The following MSLN variants were observed in gnomAD, a reference collection of about 807,000 sequenced individuals.
MSLN encodes CAK1 antigen.
MSLN carries 82 observed loss-of-function variants against 72.6 expected under a neutral mutation model. The observed-to-expected ratio is 1.13, with a 90% CI of 0.94 to 1.36. The LOEUF (loss-of-function observed/expected upper bound fraction) is 1.36, where lower values mean the gene tolerates loss of function less well. Ranked by LOEUF, MSLN falls within the 40% of genes most tolerant of loss-of-function variation. The pLI, the probability that MSLN is intolerant of heterozygous loss-of-function variation, is 0.00. For synonymous variants in MSLN, 456 were observed against 387.3 expected, an observed-to-expected ratio of 1.18 and a Z score of -2.08; for missense variants, 1,005 against 847.9, an observed-to-expected ratio of 1.19 and a Z score of -2.30.
chr16:765,707 G>T lies in MSLN; in HGVS notation c.812G>T (p.Trp271Leu). The T allele has an allele frequency of 6.2e-7, 1 of 1,600,924 alleles. No individual in the cohort carries two copies. Among genetic ancestry groups the T allele is most frequent in the Non-Finnish European group, 8.5e-7 (1 of 1,179,468 alleles). ...RSIPQGIVAA[W>L]RQRSSRDPSW... is the part of the protein sequence containing the mutation. ...CGTCCTCAGGGCATCGTGGCCGCGT[G>T]GCGGCAACGCTCCTCTCGGGACCCA... The change falls in exon 11 of 18, where the codon TGG becomes TTG. Residue 271 changes from tryptophan (W) to leucine (L), a missense_variant. Trp to Leu is a moderately conservative substitution (Grantham distance 61). Transcript: ENST00000545450.
In MSLN at chr16:763,214, G is replaced by A. The variant is rs773373418; in HGVS notation, c.86-19G>A. On this transcript the variant is annotated intron_variant, in intron 3 of 17. Coordinates refer to ENST00000545450, the MANE Select transcript of MSLN (RefSeq NM_005823.6). ...AGAGGCCCGCCCCCTCCCCCAAGCT[G>A]TCCCCTCTGCCCCTTTAGGATGGGT... 5 of 1,518,842 alleles carry A rather than the reference G, an allele frequency of 3.3e-6. No individual in the cohort carries two copies. The South Asian group carries it at 5.0e-5, about 15-fold the overall frequency. 94.1% of individuals were successfully genotyped at this position (1,518,842 alleles called of 1,614,324 possible).
At chr16:764,392 G>A (rs1435737380) in intron 6 of MSLN, among the ~76,000 whole-genome samples, 1 of 152,196 alleles carries the variant, frequency 6.6e-6, no homozygotes, top group Non-Finnish European at 1.5e-5. Context: ...GGAGCGCCGT[G>A]GGCAGCCCTC....
At chr16:762,601 C>G in intron 2 of MSLN, 71 bp from the exon 3 acceptor site, 1 of 1,210,070 alleles carries the variant, frequency 8.3e-7, no homozygotes, top group Non-Finnish European at 1.2e-6. Context: ...CCCATGTGGC[C>G]CCAGGCTGGC....
intron 17 of MSLN, 34 bp downstream of exon 17, chr16:768,599 G>C: frequency 6.2e-7 from 1 of 1,610,564 alleles, no homozygotes. Flanking sequence ...GCTGGGGGCA[G>C]AGCTGGGGGC....
chr16:762,416 C>A, intron 2 of MSLN: 2 of 506,048 alleles, frequency 4.0e-6, no homozygotes, highest in Admixed American at 3.8e-5. Context: ...GAGGGGTGGG[C>A]GCCAACTGAC....
In MSLN at chr16:768,139, C is replaced by T. The variant is rs1394092482; in HGVS notation, c.1597-240C>T. 1.3e-4 allele frequency among the ~76,000 whole-genome samples: 18 copies of T among 141,524 alleles called. No homozygotes were observed. In the South Asian group the frequency reaches 1.4e-3, roughly 11 times the overall value. The allele number at this position is 141,524 out of a possible 152,430, so 92.8% of individuals were successfully genotyped here. A position where few individuals can be genotyped will look rare whatever the true frequency, so the allele number is the denominator to read the frequency against. On this transcript the variant is annotated intron_variant, in intron 16 of 17. Transcript: ENST00000545450. Reference sequence around the variant, plus strand: ...GAGGGGCCAACGGGGGGTGGGAGGGCGTGTAAGGCGGGTCTGCAGTGGGGC... The same window carrying T: ...GAGGGGCCAACGGGGGGTGGGAGGGTGTGTAAGGCGGGTCTGCAGTGGGGC...
In MSLN at chr16:763,216, C is replaced by A; in HGVS notation, c.86-17C>A. The stretch of plus-strand genomic sequence containing the variant: ...AGGCCCGCCCCCTCCCCCAAGCTGT[C>A]CCCTCTGCCCCTTTAGGATGGGTGC... On this transcript the variant is annotated splice_polypyrimidine_tract_variant and intron_variant, in intron 3 of 17. Coordinates refer to ENST00000545450, the MANE Select transcript of MSLN (RefSeq NM_005823.6). The A allele has an allele frequency of 2.6e-6, 4 of 1,525,616 alleles. No homozygotes were observed. Among genetic ancestry groups the A allele is most frequent in the South Asian group, 2.5e-5 (2 of 81,388 alleles). 94.5% of individuals were successfully genotyped at this position (1,525,616 alleles called of 1,614,324 possible). A position where few individuals can be genotyped will look rare whatever the true frequency, so the allele number is the denominator to read the frequency against.
In MSLN at chr16:764,093, G is replaced by T; in HGVS notation, c.250G>T (p.Glu84Ter). 1.2e-6 allele frequency: 2 copies of T among 1,606,702 alleles called. No individual in the cohort carries two copies. The highest frequency in any genetic ancestry group is 1.7e-6 in the Non-Finnish European group (2 of 1,179,820). The change falls in exon 6 of 18, where the codon GAG (glutamate) becomes TAG (stop). Residue 84 changes from glutamate (E) to a stop codon, truncating the protein, a stop_gained. Coordinates refer to ENST00000545450, the MANE Select transcript of MSLN (RefSeq NM_005823.6). LOFTEE classifies it high-confidence loss of function. ...CGGCCTGAGCACGGAGCGTGTCCGG[G>T]AGCTGGCTGTGGCCTTGGCACAGAA... Reference protein sequence around the residue: ...VSGLSTERVRELAVALAQKNV... With the variant: ...VSGLSTERVR
At position 768,766 on chromosome 16, in the gene MSLN, T is replaced by G. The variant is rs759590887; in HGVS notation, c.*33T>G. On this transcript the variant is annotated 3_prime_UTR_variant, in exon 18 of 18. Coordinates refer to ENST00000545450, the MANE Select transcript of MSLN (RefSeq NM_005823.6). ...ACTCCCTTGCTGGCCCCAGCCCTGC[T>G]GGGGATCCCCGCCTGGCCAGGAGCA... 5.6e-6 allele frequency: 9 copies of G among 1,602,792 alleles called. No individual in the cohort carries two copies. The Admixed American group carries it at 1.5e-4, about 27-fold the overall frequency.
rs149311001 is a variant in MSLN, at chr16:763,041, G to C, written c.86-192G>C. Among the ~76,000 whole-genome samples, 130 of 152,290 alleles carry C rather than the reference G, an allele frequency of 8.5e-4. 1 individual carries two copies. The highest frequency in any genetic ancestry group is 3.4e-3 in the Middle Eastern group (1 of 294). On this transcript the variant is annotated intron_variant, in intron 3 of 17. Transcript: ENST00000545450. ...AAGATGTGGAAGGCCGGGCTCCCTG[G>C]TGGAGTCCCGACCCCTGTGCCTGGG...
At chr16:766,260 A>T in intron 12 of MSLN, 23 bp downstream of exon 12, 1 of 1,608,004 alleles carries the variant, frequency 6.2e-7, no homozygotes, top group Non-Finnish European at 8.5e-7. Context: ...TCAAGTTCCC[A>T]CCGGCCTGCT....
intron 3 of MSLN, 68 bp from the exon 4 acceptor site, chr16:763,165 C>A: frequency 9.2e-7 from 1 of 1,088,818 alleles, no homozygotes; most frequent in Non-Finnish European, 1.3e-6. Flanking sequence ...TGCCTCCTTC[C>A]TCCCCTGGGT....
intron 14 of MSLN, 35 bp from the exon 15 acceptor site, chr16:766,850 T>C (rs1431435915): frequency 1.2e-6 from 2 of 1,612,364 alleles, no homozygotes; most frequent in Admixed American, 3.3e-5. Context: ...TGGGTCCGTG[T>C]GCTGGCGCTC....
intron 9 of MSLN, 71 bp downstream of exon 9, chr16:765,374 G>T: frequency 6.9e-7 from 1 of 1,456,058 alleles, no homozygotes; most frequent in Non-Finnish European, 9.1e-7. Context: ...GGACACTTGC[G>T]GCCATGCCTC....
chr16:768,278 A>G, intron 16 of MSLN, 101 bp from the exon 17 acceptor site: 1 of 1,247,024 alleles, frequency 8.0e-7, no homozygotes, highest in Non-Finnish European at 1.1e-6. Flanking sequence ...TGCGGTGGGC[A>G]TCTGTGGGTG....
chr16:763,790 T>TGCATCCCCTCCCCCG (rs2041566649), intron 5 of MSLN, 99 bp downstream of exon 5: 2 of 143,320 alleles, frequency 1.4e-5, no homozygotes, highest in African/African-American at 3.0e-4. Context: ...CCCCTCCCCC[T>TGCATCCCCTCCCCCG]TCCTCCTCTG....
chr16:763,357 T>G, intron 4 of MSLN, 81 bp downstream of exon 4: 1 of 1,207,912 alleles, frequency 8.3e-7, no homozygotes, highest in Non-Finnish European at 1.2e-6. Flanking sequence ...CTGTCACGTA[T>G]CCACGGTGCT....
At position 766,449 on chromosome 16, in the gene MSLN, G is replaced by C. The variant is rs755073592; in HGVS notation, c.1189G>C (p.Ala397Pro). ...WNVTSLETLK[A>P]LLEVNKGHEM... ...TGTGACGTCCCTGGAGACCCTGAAGGCTTTGCTTGAAGTCAACAAAGGGCA... is the reference window on the plus strand; with the variant it reads ...TGTGACGTCCCTGGAGACCCTGAAGCCTTTGCTTGAAGTCAACAAAGGGCA... The change falls in exon 13 of 18, where the codon GCT (alanine) becomes CCT (proline). Residue 397 changes from alanine (A) to proline (P), a missense_variant. Ala to Pro is a conservative substitution (Grantham distance 27). Coordinates refer to ENST00000545450, the MANE Select transcript of MSLN (RefSeq NM_005823.6). The C allele has an allele frequency of 5.6e-6, 9 of 1,612,718 alleles. No individual in the cohort carries two copies. In the Admixed American group the frequency reaches 1.2e-4, roughly 21 times the overall value.
At chr16:762,836 G>A in intron 3 of MSLN, 71 bp downstream of exon 3, 2 of 1,288,024 alleles carry the variant, frequency 1.6e-6, no homozygotes, top group East Asian at 2.5e-5. Flanking sequence ...CCCCCAGCAA[G>A]GCTTTGCCTG....
Sources: gnomAD v4.1 joint callset for allele counts (sites outside exome capture counted in the v4.1 genomes callset) on GRCh38, gnomAD v4.1.1 for gene constraint, MANE v1.5 for transcripts, NCBI Gene and HGNC (gene_info 2026-07-23, HGNC 2026-07-21) for gene names.